The following COQ4 variants were observed in gnomAD, a reference collection of about 807,000 sequenced individuals.
The protein encoded by COQ4 is ubiquinone biosynthesis protein COQ4 homolog, mitochondrial.
Under a neutral mutation model 30.2 loss-of-function variants are expected in COQ4, and 36 were observed. The ratio of observed to expected loss-of-function variants is 1.19; its 90% confidence interval spans 0.91 to 1.57. COQ4 has a LOEUF of 1.57. Ranked by LOEUF, COQ4 falls within the 40% of genes most tolerant of loss-of-function variation. COQ4 has a pLI of 0.00. For synonymous variants in COQ4, 197 were observed against 161.0 expected (o/e 1.22, Z -1.69); for missense variants, 369 against 371.9 (o/e 0.99, Z 0.07).
rs182993273 is a variant in COQ4 at position 128,333,411 on chromosome 9, C to T, written c.627-63C>T. The T allele has an allele frequency of 2.2e-3, 3,057 of 1,398,828 alleles. 1 individual carries two copies. Among genetic ancestry groups the T allele is most frequent in the Non-Finnish European group, 2.4e-3 (2,472 of 1,050,246 alleles). 86.7% of individuals were successfully genotyped at this position (1,398,828 alleles called of 1,614,324 possible). On this transcript the variant is annotated intron_variant, in intron 6 of 6. Coordinates refer to ENST00000300452, the MANE Select transcript of COQ4 (RefSeq NM_016035.5). ...GATGAACTGAGAAAATGCACAAGTGCCGAGCAGTCGAGTGCCTGGCCCCAG... is the reference window on the plus strand; with the variant it reads ...GATGAACTGAGAAAATGCACAAGTGTCGAGCAGTCGAGTGCCTGGCCCCAG...
intron 2 of COQ4, 59 bp downstream of exon 2, chr9:128,323,206 A>T (rs754809482): frequency 6.7e-7 from 1 of 1,490,726 alleles, no homozygotes; most frequent in Admixed American, 2.5e-5. Flanking sequence ...CCTGTGGGTA[A>T]CTGGAACATA....
Position 128,332,182 on chromosome 9 carries a change from C to A in COQ4, c.432C>A (p.Thr144=), listed in dbSNP as rs1465868437. 1 of 1,591,364 alleles carries A rather than the reference C, an allele frequency of 6.3e-7. No homozygotes were observed. Among genetic ancestry groups the A allele is most frequent in the East Asian group, 2.3e-5 (1 of 43,656 alleles). Residue 144 remains threonine (T), a synonymous_variant, in exon 5 of 7, where the codon ACC becomes ACA. Transcript: ENST00000300452. Reference sequence around the variant, plus strand: ...TCTCCCCAGACACCCGAGCACCCACCCGCTTCGTGGATGATGAGGAGCTAG... The same window carrying A: ...TCTCCCCAGACACCCGAGCACCCACACGCTTCGTGGATGATGAGGAGCTAG... ...NRVSPDTRAP[T]RFVDDEELAY...
intron 4 of COQ4, among the ~76,000 whole-genome samples, chr9:128,329,421 G>A (rs1342007460): frequency 6.6e-6 from 1 of 152,038 alleles, no homozygotes; most frequent in Non-Finnish European, 1.5e-5. Flanking sequence ...CTGTCACCCA[G>A]GCTGGAGGGC....
At position 128,323,280 on chromosome 9, in the gene COQ4, CA is replaced by C. The variant is rs772646958; in HGVS notation, c.202+134del. ...ACCACTCGGAACGTTTATGAAAATG[CA>C]GATTCCTGGATCCCACCTAAACGCA... On this transcript the variant is annotated intron_variant, in intron 2 of 6. Transcript: ENST00000300452. The C allele has an allele frequency of 5.6e-6, 5 of 896,396 alleles. No homozygotes were observed. The East Asian group carries it at 1.4e-4, about 26-fold the overall frequency. The allele number at this position is 896,396 out of a possible 1,614,324, so 55.5% of individuals were successfully genotyped here. A position where few individuals can be genotyped will look rare whatever the true frequency, so the allele number is the denominator to read the frequency against.
chr9:128,329,894 A>C (rs563128842), intron 4 of COQ4, among the ~76,000 whole-genome samples: 1 of 152,290 alleles, frequency 6.6e-6, no homozygotes, highest in South Asian at 2.1e-4. Context: ...GGCAGTGGGC[A>C]GTTAAGAGGA....
At chr9:128,329,184 G>A (rs2131229577) in intron 4 of COQ4, among the ~76,000 whole-genome samples, 1 of 152,210 alleles carries the variant, frequency 6.6e-6, no homozygotes, top group African/African-American at 2.4e-5. Context: ...ACCTCGCTGA[G>A]TCTCAGGTTC....
Position 128,324,799 on chromosome 9 carries a change from A to T in COQ4, c.203-344A>T, listed in dbSNP as rs558351085. ...TGAAGCAATTTGTACTAGGTCACCT[A>T]GATAGTGAACACACCTGGACTGTAG... On this transcript the variant is annotated intron_variant, in intron 2 of 6. Transcript: ENST00000300452. Among the ~76,000 whole-genome samples the T allele has an allele frequency of 7.9e-5, 12 of 152,332 alleles. No individual in the cohort carries two copies. In the South Asian group the frequency reaches 2.3e-3, roughly 29 times the overall value.
chr9:128,325,267 G>A (rs1430619377), intron 3 of COQ4, 28 bp downstream of exon 3: 1 of 1,512,272 alleles, frequency 6.6e-7, no homozygotes. Context: ...CTGGGGGTCT[G>A]GGGGCATTCT....
chr9:128,323,198 T>A, intron 2 of COQ4, 51 bp downstream of exon 2: 2 of 1,509,176 alleles, frequency 1.3e-6, no homozygotes, highest in Non-Finnish European at 1.8e-6. Flanking sequence ...AGCCGTTTCC[T>A]GTGGGTAACT....
intron 4 of COQ4, among the ~76,000 whole-genome samples, chr9:128,328,993 C>T (rs1832364782): frequency 6.6e-6 from 1 of 152,134 alleles, no homozygotes; most frequent in South Asian, 2.1e-4. Context: ...ACCTTTGTCC[C>T]CAGAGAGATT....
At chr9:128,325,967 C>A in intron 4 of COQ4, 86 bp downstream of exon 4, 2 of 1,177,252 alleles carry the variant, frequency 1.7e-6, no homozygotes, top group African/African-American at 1.5e-5. Context: ...AAAGAGGAGC[C>A]CTGAGCTGCC....
chr9:128,331,323 A>G (rs1304631374), intron 4 of COQ4: 1 of 152,130 alleles, frequency 6.6e-6, no homozygotes, highest in East Asian at 1.9e-4. Context: ...ACATCAAGGT[A>G]CAGTTATTTT....
intron 4 of COQ4, among the ~76,000 whole-genome samples, chr9:128,327,126 G>A (rs375589998): frequency 3.9e-5 from 6 of 152,032 alleles, no homozygotes; most frequent in African/African-American, 7.2e-5. Flanking sequence ...ATTCTACTTC[G>A]AGAGGTAGAC....
Position 128,333,922 on chromosome 9 carries a change from T to C in COQ4, c.*277T>C. The C allele has an allele frequency of 3.7e-6, 1 of 267,666 alleles. No homozygotes were observed. The highest frequency in any genetic ancestry group is 7.0e-6 in the Non-Finnish European group (1 of 142,636). 16.6% of individuals were successfully genotyped at this position (267,666 alleles called of 1,614,324 possible). A position where few individuals can be genotyped will look rare whatever the true frequency, so the allele number is the denominator to read the frequency against. On this transcript the variant is annotated 3_prime_UTR_variant, in exon 7 of 7. Coordinates refer to ENST00000300452, the MANE Select transcript of COQ4 (RefSeq NM_016035.5). ...GGCTCATGCTGGGATGTCGCAGTGC[T>C]CCTGTTGCAACTCCTCCCAGCCAGC...
intron 3 of COQ4, 83 bp downstream of exon 3, chr9:128,325,322 TC>T (rs1164669961): frequency 1.0e-6 from 1 of 988,030 alleles, no homozygotes; most frequent in Non-Finnish European, 1.5e-6. Flanking sequence ...TTTGTTCTGT[TC>T]CGCTAGGGAG....
At chr9:128,332,132 G>A in intron 4 of COQ4, 21 bp from the exon 5 acceptor site, 1 of 1,555,122 alleles carries the variant, frequency 6.4e-7, no homozygotes, top group East Asian at 2.4e-5. Flanking sequence ...AAGGGTTCTA[G>A]GGGAGGCTCA....
At chr9:128,330,355 AG>A (rs1317732963) in intron 4 of COQ4, 1 of 151,962 alleles carries the variant, frequency 6.6e-6, no homozygotes, top group Non-Finnish European at 1.5e-5. Context: ...CCTGGGCGAC[AG>A]AGTGAGACTC....
At chr9:128,328,119 CGCAGAGGAGGGAGTA>C (rs1351205835) in intron 4 of COQ4, among the ~76,000 whole-genome samples, 1 of 152,226 alleles carries the variant, frequency 6.6e-6, no homozygotes, top group African/African-American at 2.4e-5. Flanking sequence ...CCAGTGTGGC[CGCAGAGGAGGGAGTA>C]GCAGGGAGAC....
chr9:128,330,455 AAG>A (rs1452631414), intron 4 of COQ4: 2 of 152,124 alleles, frequency 1.3e-5, no homozygotes, highest in African/African-American at 2.4e-5. Context: ...TAATAGCAAA[AAG>A]AAATTAATTT....
Sources: allele counts gnomAD v4.1 joint callset (sites outside exome capture counted in the v4.1 genomes callset), GRCh38; gene constraint gnomAD v4.1.1; transcripts MANE v1.5; gene names NCBI Gene and HGNC (gene_info 2026-07-23, HGNC 2026-07-21).